CDH13: variants seen among roughly 807,000 people sequenced by gnomAD.
CDH13 encodes cadherin 13, also known as cadherin-13.
In CDH13, 24 loss-of-function variants were observed where a neutral mutation model predicts 63.8. The ratio of observed to expected loss-of-function variants is 0.38; its 90% CI spans 0.27 to 0.53. The LOEUF is 0.53. CDH13 is among the 20% of genes least tolerant of loss of function. The pLI is 0.85. For synonymous variants in CDH13, 503 were observed against 355.3 expected (o/e 1.42, Z -4.67); for missense variants, 1,049 against 903.1 (o/e 1.16, Z -2.07).
intron 2 of CDH13, among the ~76,000 whole-genome samples, chr16:83,029,795 C>G (rs972779857): frequency 7.0e-6 from 1 of 142,072 alleles, no homozygotes; most frequent in African/African-American, 2.9e-5. Flanking sequence ...GTTGGTTGTG[C>G]TTACTTTGTA....
chr16:83,462,972 A>C (rs1598078771), intron 6 of CDH13, among the ~76,000 whole-genome samples: 1 of 152,252 alleles, frequency 6.6e-6, no homozygotes, highest in South Asian at 2.1e-4. Context: ...CTTGTAGCTG[A>C]GACTGATCAC....
At chr16:83,341,331 C>A (rs2090717563) in intron 5 of CDH13, among the ~76,000 whole-genome samples, 10 of 152,178 alleles carry the variant, frequency 6.6e-5, no homozygotes, top group Admixed American at 6.5e-4. Context: ...AATTCAAGAG[C>A]CTGACTTCAG....
At chr16:83,349,679 C>G (rs555052360) in intron 6 of CDH13, among the ~76,000 whole-genome samples, 48 of 152,158 alleles carry the variant, frequency 3.2e-4, no homozygotes, top group African/African-American at 1.0e-3. Context: ...CAGCTCACTG[C>G]AACCTGTGCC....
chr16:83,107,938 C>T (rs922979019), intron 3 of CDH13, among the ~76,000 whole-genome samples: 1 of 151,928 alleles, frequency 6.6e-6, no homozygotes, highest in African/African-American at 2.4e-5. Flanking sequence ...CCTGCCTCAG[C>T]CTCCCGATTA....
intron 7 of CDH13, among the ~76,000 whole-genome samples, chr16:83,596,475 A>G (rs544278154): frequency 6.6e-6 from 1 of 152,310 alleles, no homozygotes; most frequent in African/African-American, 2.4e-5. Context: ...ACAAGTGGCC[A>G]CTGGGATCTC....
intron 3 of CDH13, among the ~76,000 whole-genome samples, chr16:83,054,955 A>C (rs1283389843): frequency 2.0e-5 from 3 of 152,120 alleles, no homozygotes; most frequent in African/African-American, 7.2e-5. Context: ...AGTACATCCA[A>C]ACAAGTTTCA....
At chr16:83,429,224 G>A (rs1278645713) in intron 6 of CDH13, among the ~76,000 whole-genome samples, 1 of 152,198 alleles carries the variant, frequency 6.6e-6, no homozygotes, top group Non-Finnish European at 1.5e-5. Context: ...TTGTGACACA[G>A]ACTGGTATCC....
chr16:83,249,712 A>G (rs769342515), intron 5 of CDH13, among the ~76,000 whole-genome samples: 2 of 152,174 alleles, frequency 1.3e-5, no homozygotes, highest in African/African-American at 2.4e-5. Context: ...TCTGTCTCCA[A>G]TTCATGTCCA....
At chr16:83,049,248 C>G (rs951935495) in intron 3 of CDH13, among the ~76,000 whole-genome samples, 3 of 151,722 alleles carry the variant, frequency 2.0e-5, no homozygotes, top group African/African-American at 7.3e-5. Flanking sequence ...TTCCCCAGCT[C>G]CTGGCTTTAT....
chr16:83,005,724 A>G (rs1397254233), intron 2 of CDH13, among the ~76,000 whole-genome samples: 1 of 152,206 alleles, frequency 6.6e-6, no homozygotes, highest in African/African-American at 2.4e-5. Flanking sequence ...TGACTCCAAC[A>G]AGAGAGCTAG....
intron 1 of CDH13, among the ~76,000 whole-genome samples, chr16:82,720,366 T>G (rs2032689603): frequency 6.6e-6 from 1 of 152,226 alleles, no homozygotes; most frequent in Non-Finnish European, 1.5e-5. Flanking sequence ...GAGTTTTTGT[T>G]TTACAATACT....
chr16:82,942,656 G>T (rs2151310890), intron 2 of CDH13, among the ~76,000 whole-genome samples: 1 of 152,182 alleles, frequency 6.6e-6, no homozygotes, highest in South Asian at 2.1e-4. Context: ...TATGTGCACT[G>T]GCCTGGAATA....
At chr16:82,710,532 CAAAAAA>C (rs71913517) in intron 1 of CDH13, among the ~76,000 whole-genome samples, 115 of 55,894 alleles carry the variant, frequency 2.1e-3, no homozygotes, top group Non-Finnish European at 2.6e-3. Context: ...GACTCTGTCT[CAAAAAA>C]AAAAAAAAAA....
chr16:83,275,317 C>T (rs1168318539), intron 5 of CDH13, among the ~76,000 whole-genome samples: 1 of 152,130 alleles, frequency 6.6e-6, no homozygotes, highest in Non-Finnish European at 1.5e-5. Flanking sequence ...ATTAGGTCAG[C>T]CATCATACTT....
intron 2 of CDH13, among the ~76,000 whole-genome samples, chr16:82,962,536 C>T (rs1907175156): frequency 6.6e-6 from 1 of 152,154 alleles, no homozygotes; most frequent in Non-Finnish European, 1.5e-5. Flanking sequence ...AGATGGGGTC[C>T]ATGAGAAGGG....
intron 4 of CDH13, among the ~76,000 whole-genome samples, chr16:83,196,891 TA>T (rs1429811369): frequency 1.3e-5 from 2 of 152,180 alleles, no homozygotes; most frequent in African/African-American, 2.4e-5. Flanking sequence ...CAGTTTTGTA[TA>T]AAACTAGACA....
chr16:83,248,368 C>T lies in CDH13; in HGVS notation c.636+30871C>T, dbSNP rs1905171453. On this transcript the variant is annotated intron_variant, in intron 5 of 13. Coordinates refer to ENST00000567109, the MANE Select transcript of CDH13 (RefSeq NM_001257.5). The stretch of plus-strand genomic sequence containing the variant: ...CTATCTGTTGTTGTTTGCTACTTTT[C>T]CTATGCTCTTGGGAGCTTATCAGAA... Among the ~76,000 whole-genome samples, 7 of 152,180 alleles carry T rather than the reference C, an allele frequency of 4.6e-5. No individual in the cohort carries two copies. The South Asian group carries it at 1.4e-3, about 32-fold the overall frequency.
chr16:83,381,419 G>A (rs988884065), intron 6 of CDH13, among the ~76,000 whole-genome samples: 8 of 151,980 alleles, frequency 5.3e-5, no homozygotes, highest in African/African-American at 1.9e-4. Flanking sequence ...GTGACTTTCA[G>A]TGTTGTGCGT....
At chr16:83,523,034 A>T (rs187442362) in intron 7 of CDH13, among the ~76,000 whole-genome samples, 3 of 152,260 alleles carry the variant, frequency 2.0e-5, no homozygotes, top group East Asian at 3.9e-4. Flanking sequence ...AGTTCTGCTG[A>T]AATGTCACTT....
Sources: gnomAD v4.1 joint callset for allele counts (sites outside exome capture counted in the v4.1 genomes callset) on GRCh38, gnomAD v4.1.1 for gene constraint, MANE v1.5 for transcripts, NCBI Gene and HGNC (gene_info 2026-07-23, HGNC 2026-07-21) for gene names.